The following GRM1 variants were observed in gnomAD, a reference collection of about 807,000 sequenced individuals.
GRM1 encodes metabotropic glutamate receptor 1.
GRM1 carries 33 observed loss-of-function variants against 90.9 expected under a neutral mutation model. The observed-to-expected ratio is 0.36, with a 90% CI of 0.28 to 0.49. The LOEUF is 0.49. Ranked by LOEUF, GRM1 falls within the 20% of genes least tolerant of loss-of-function variation. GRM1 has a pLI of 0.99. For missense variants in GRM1, 1,190 were observed against 1,534.3 expected (o/e 0.78, Z 3.75); for synonymous variants, 700 against 613.2 (o/e 1.14, Z -2.09).
chr6:146,361,019 A>G (rs1232129535), intron 5 of GRM1, among the ~76,000 whole-genome samples: 1 of 152,232 alleles, frequency 6.6e-6, no homozygotes, highest in African/African-American at 2.4e-5. Context: ...ACTTCATCCT[A>G]TGTTCTGCTT....
At chr6:146,117,440 T>C (rs1356245000) in intron 1 of GRM1, among the ~76,000 whole-genome samples, 2 of 152,004 alleles carry the variant, frequency 1.3e-5, no homozygotes, top group Non-Finnish European at 2.9e-5. Flanking sequence ...TTGACCTATT[T>C]GTTTATTTAT....
rs1583356887 is a variant in GRM1 at position 146,344,337 on chromosome 6, G to T, written c.1187-7913G>T. Among the ~76,000 whole-genome samples the T allele has an allele frequency of 3.3e-5, 5 of 152,170 alleles. No individual in the cohort carries two copies. The South Asian group carries it at 1.0e-3, about 32-fold the overall frequency. On this transcript the variant is annotated intron_variant, in intron 3 of 7. Coordinates refer to ENST00000282753, the MANE Select transcript of GRM1 (RefSeq NM_001278064.2). ...CCTGAGTGTCATTTTAATAGATTTC[G>T]CTCAGACTGTGACCTCTCAAGGTGA...
At chr6:146,202,645 T>C (rs561012820) in intron 2 of GRM1, among the ~76,000 whole-genome samples, 5 of 152,296 alleles carry the variant, frequency 3.3e-5, no homozygotes, top group Admixed American at 2.6e-4. Context: ...TTCTCGTTTT[T>C]CTCTAGGCTA....
intron 1 of GRM1, among the ~76,000 whole-genome samples, chr6:146,118,875 A>G (rs1775868493): frequency 6.6e-6 from 1 of 152,176 alleles, no homozygotes; most frequent in Admixed American, 6.5e-5. Flanking sequence ...AGTCTTTGTT[A>G]TTGTGAATAG....
intron 5 of GRM1, among the ~76,000 whole-genome samples, chr6:146,379,592 A>G (rs1187527059): frequency 6.6e-6 from 1 of 151,950 alleles, no homozygotes; most frequent in Non-Finnish European, 1.5e-5. Flanking sequence ...TTATTTAGTT[A>G]ATTTAGTGAG....
intron 1 of GRM1, among the ~76,000 whole-genome samples, chr6:146,078,672 T>C (rs1776267273): frequency 6.6e-6 from 1 of 152,214 alleles, no homozygotes; most frequent in African/African-American, 2.4e-5. Flanking sequence ...TTATAGAATG[T>C]TATACAGTAT....
At chr6:146,192,639 T>C (rs544607462) in intron 2 of GRM1, among the ~76,000 whole-genome samples, 2 of 152,338 alleles carry the variant, frequency 1.3e-5, no homozygotes, top group East Asian at 3.9e-4. Context: ...CTCACTATTC[T>C]TACTCTTTCT....
chr6:146,276,391 G>A (rs1007093967), intron 2 of GRM1, among the ~76,000 whole-genome samples: 5 of 152,084 alleles, frequency 3.3e-5, no homozygotes, highest in Non-Finnish European at 7.4e-5. Flanking sequence ...TCCAAATTAT[G>A]TAACAGAATT....
chr6:146,382,336 A>G (rs1030910382), intron 5 of GRM1, among the ~76,000 whole-genome samples: 1 of 151,794 alleles, frequency 6.6e-6, no homozygotes, highest in Admixed American at 6.6e-5. Flanking sequence ...AAAAAAAAAA[A>G]AACAACTTGT....
At chr6:146,063,447 T>A (rs1775740421) in intron 1 of GRM1, among the ~76,000 whole-genome samples, 1 of 152,212 alleles carries the variant, frequency 6.6e-6, no homozygotes, top group South Asian at 2.1e-4. Context: ...TTATTTGTGT[T>A]AATTGCTTTC....
chr6:146,327,056 CATT>C (rs1413004627), intron 3 of GRM1, among the ~76,000 whole-genome samples: 1 of 152,122 alleles, frequency 6.6e-6, no homozygotes, highest in Non-Finnish European at 1.5e-5. Flanking sequence ...TAATATGTAA[CATT>C]AGTATGTTAG....
chr6:146,129,750 C>T (rs1373437941), intron 1 of GRM1, among the ~76,000 whole-genome samples: 1 of 152,164 alleles, frequency 6.6e-6, no homozygotes, highest in African/African-American at 2.4e-5. Flanking sequence ...CTCCCTATGG[C>T]AGACACTTCT....
In GRM1 at chr6:146,304,748, C is replaced by T. The variant is rs768125686; in HGVS notation, c.1088C>T (p.Thr363Met). 10 of 1,613,836 alleles carry T rather than the reference C, an allele frequency of 6.2e-6. No individual in the cohort carries two copies. The East Asian group carries it at 6.7e-5, about 11-fold the overall frequency. The part of the protein sequence containing the change: ...YFLKLRLDTN[T>M]RNPWFPEFWQ... ...CTGAAACTGAGGCTGGACACTAACA[C>T]GAGGAATCCCTGGTTCCCTGAGTTC... The change falls in exon 3 of 8, where the codon ACG becomes ATG. Residue 363 changes from threonine to methionine, a missense_variant. Physicochemically the swap from Thr to Met is moderately conservative, Grantham distance 81. This residue lies in a region of GRM1 where 414 missense variants were observed against 598.4 expected (regional missense o/e 0.69). Transcript: ENST00000282753.
intron 3 of GRM1, among the ~76,000 whole-genome samples, chr6:146,320,975 G>T (rs1406349498): frequency 6.6e-6 from 1 of 151,732 alleles, no homozygotes; most frequent in Non-Finnish European, 1.5e-5. Flanking sequence ...ATCTCCTTCA[G>T]TTCTGCTCTG....
chr6:146,086,657 C>A (rs900191354), intron 1 of GRM1, among the ~76,000 whole-genome samples: 2 of 151,878 alleles, frequency 1.3e-5, no homozygotes, highest in South Asian at 2.1e-4. Context: ...ATCATTAATG[C>A]GTCCTGCTCT....
chr6:146,076,424 A>T (rs1776189367), intron 1 of GRM1, among the ~76,000 whole-genome samples: 1 of 152,192 alleles, frequency 6.6e-6, no homozygotes, highest in Admixed American at 6.6e-5. Flanking sequence ...CCAGTGAAGG[A>T]TGATGTGGGC....
At chr6:146,183,251 A>C (rs1394054187) in intron 2 of GRM1, among the ~76,000 whole-genome samples, 2 of 152,220 alleles carry the variant, frequency 1.3e-5, no homozygotes, top group Non-Finnish European at 2.9e-5. Context: ...ACTTCTCTTC[A>C]CATCCTGTTG....
rs148546542 is a variant in GRM1 at position 146,419,076 on chromosome 6, G to A, written c.2661-14796G>A. On this transcript the variant is annotated intron_variant, in intron 7 of 7. Transcript: ENST00000282753. ...ATCACAGGAGAGGTACTGAGATTTC[G>A]CCTACATTGCAATGTGAATTGTACA... 2.7e-3 allele frequency among the ~76,000 whole-genome samples: 417 copies of A among 152,158 alleles called. 3 individuals carry two copies. The highest frequency in any genetic ancestry group is 9.7e-3 in the African/African-American group (404 of 41,496).
chr6:146,381,254 G>C (rs1776307448), intron 5 of GRM1, among the ~76,000 whole-genome samples: 1 of 152,212 alleles, frequency 6.6e-6, no homozygotes, highest in Non-Finnish European at 1.5e-5. Context: ...TGGAGAAACA[G>C]TATCCTGTTG....
Sources: allele counts gnomAD v4.1 joint callset (sites outside exome capture counted in the v4.1 genomes callset), GRCh38; gene constraint gnomAD v4.1.1; regional missense constraint gnomAD v4.1.1; transcripts MANE v1.5; gene names NCBI Gene and HGNC (gene_info 2026-07-23, HGNC 2026-07-21).